Variants in ZFYVE26 observed in about 807,000 individuals in gnomAD.
The protein encoded by ZFYVE26 is zinc finger FYVE-type containing 26, also known as zinc finger FYVE domain-containing protein 26.
Under a neutral mutation model 276.5 loss-of-function variants are expected in ZFYVE26, and 181 were observed. The observed-to-expected ratio is 0.65, with a 90% CI of 0.58 to 0.74. ZFYVE26 has a LOEUF of 0.74. Among genes scored for constraint, ZFYVE26 ranks in the 30% least tolerant of loss-of-function variants. The pLI is 0.00. For synonymous variants in ZFYVE26, 1,129 were observed against 1,203.1 expected, an observed-to-expected ratio of 0.94 and a Z score of 1.27; for missense variants, 2,821 against 3,097.9, an observed-to-expected ratio of 0.91 and a Z score of 2.12.
At chr14:67,740,240 A>T (rs1414534263) in intron 13 of ZFYVE26, among the ~76,000 whole-genome samples, 1 of 152,204 alleles carries the variant, frequency 6.6e-6, no homozygotes, top group Non-Finnish European at 1.5e-5. Flanking sequence ...TTATGTTCCA[A>T]TGACAGCAGT....
Position 67,798,036 on chromosome 14 carries a change from C to T in ZFYVE26, c.2226G>A (p.Val742=), listed in dbSNP as rs2039993509. The change falls in exon 11 of 42, where the codon GTG becomes GTA. Residue 742 remains valine (V), a synonymous_variant. Coordinates refer to ENST00000347230, the MANE Select transcript of ZFYVE26 (RefSeq NM_015346.4). ...CACCTGAACGATGGTTGCTTGTCACCACCTTGTGTCTCCACTGGGCCTCAG... is the reference window on the plus strand; with the variant it reads ...CACCTGAACGATGGTTGCTTGTCACTACCTTGTGTCTCCACTGGGCCTCAG... ...VVSEAQWRHK[V]VTSNHRSEEQ... is the part of the protein sequence containing the mutation. 1.9e-6 allele frequency: 3 copies of T among 1,614,040 alleles called. No individual in the cohort carries two copies. Among genetic ancestry groups the T allele is most frequent in the Non-Finnish European group, 2.5e-6 (3 of 1,180,040 alleles).
In ZFYVE26 at chr14:67,804,167, G is replaced by C. The variant is rs201917832; in HGVS notation, c.1369C>G (p.Leu457Val). The change falls in exon 9 of 42, where the codon CTC (leucine) becomes GTC (valine). Residue 457 changes from leucine (L) to valine (V), a missense_variant. Physicochemically the swap from Leu to Val is conservative, Grantham distance 32 (BLOSUM62 1). Transcript: ENST00000347230. ...AGCTTGAGAACATCTTCCTCCCTGA[G>C]GGCTGGAAGGTTTGTAAGGTGATGG... ...TLHHLTNLPA[L>V]REEDVLKLLQ... The C allele has an allele frequency of 1.2e-4, 194 of 1,614,124 alleles. 2 individuals carry two copies. Among genetic ancestry groups the C allele is most frequent in the Non-Finnish European group, 1.3e-5 (15 of 1,180,054 alleles).
At chr14:67,789,236 C>T (rs1301848424) in intron 16 of ZFYVE26, 99 bp downstream of exon 16, 45 of 1,534,820 alleles carry the variant, frequency 2.9e-5, no homozygotes, top group Non-Finnish European at 8.9e-7. Context: ...CACCATCTGC[C>T]TCCTCCAATA....
intron 14 of ZFYVE26, among the ~76,000 whole-genome samples, chr14:67,793,191 A>G (rs1712695466): frequency 6.6e-6 from 1 of 152,176 alleles, no homozygotes; most frequent in South Asian, 2.1e-4. Flanking sequence ...TGGGAGGTGG[A>G]GGGTGCAGTG....
downstream of ZFYVE26, among the ~76,000 whole-genome samples, chr14:67,742,434 T>C (rs1377050978): frequency 6.6e-6 from 1 of 152,220 alleles, no homozygotes; most frequent in East Asian, 1.9e-4. Context: ...ATAAAAAATC[T>C]TTCAAGTCTT....
At chr14:67,793,485 G>A in intron 14 of ZFYVE26, 123 bp downstream of exon 14, 1 of 1,116,720 alleles carries the variant, frequency 9.0e-7, no homozygotes, top group South Asian at 1.3e-5. Context: ...ACCCCCTCTT[G>A]CTTCTGCTTC....
At chr14:67,794,873 C>T (rs1407969239) in intron 12 of ZFYVE26, among the ~76,000 whole-genome samples, 1 of 152,064 alleles carries the variant, frequency 6.6e-6, no homozygotes, top group African/African-American at 2.4e-5. Context: ...TGTTTGAGCC[C>T]AGGAGTTCAA....
At position 67,816,012 on chromosome 14, in the gene ZFYVE26, A is replaced by G; in HGVS notation, c.-49T>C. ...GATACAAAGAAATGAGTTATGCCGA[A>G]CACATTCTCAATGTTCTCATTCGCG... is the stretch of plus-strand genomic sequence containing the variant. On this transcript the variant is annotated 5_prime_UTR_variant, in exon 2 of 42. Transcript: ENST00000347230. 1.4e-6 allele frequency: 2 copies of G among 1,480,360 alleles called. No individual in the cohort carries two copies. Among genetic ancestry groups the G allele is most frequent in the Non-Finnish European group, 1.8e-6 (2 of 1,089,450 alleles). 91.7% of individuals were successfully genotyped at this position (1,480,360 alleles called of 1,614,324 possible).
At chr14:67,773,143 A>T (rs572491474) in intron 27 of ZFYVE26, among the ~76,000 whole-genome samples, 163 of 152,278 alleles carry the variant, frequency 1.1e-3, no homozygotes, top group South Asian at 2.3e-3. Context: ...TTGTTTCTAG[A>T]TGTGATAATG....
chr14:67,761,039 C>A (rs976970097), intron 35 of ZFYVE26: 11 of 592,248 alleles, frequency 1.9e-5, no homozygotes, highest in African/African-American at 1.3e-4. Flanking sequence ...AAGCAATATG[C>A]CCAAGGCCAC....
intron 32 of ZFYVE26, among the ~76,000 whole-genome samples, chr14:67,764,771 G>C (rs1275038647): frequency 1.3e-5 from 2 of 152,124 alleles, no homozygotes; most frequent in Non-Finnish European, 2.9e-5. Context: ...TGTCAAAGAC[G>C]CGCAAGACAC....
At chr14:67,760,114 T>C (rs1391747639) in intron 35 of ZFYVE26, among the ~76,000 whole-genome samples, 1 of 152,172 alleles carries the variant, frequency 6.6e-6, no homozygotes, top group Non-Finnish European at 1.5e-5. Flanking sequence ...ACCAAGCTAA[T>C]GAAGTAAGCA....
exon 14 of ZFYVE26, chr14:67,729,632 G>T (rs2038241480): frequency 1.6e-6 from 1 of 618,718 alleles, no homozygotes; most frequent in Admixed American, 2.6e-5. Context: ...GCAGCTTTCT[G>T]AAAGCTTTTA....
At chr14:67,778,301 C>T in intron 23 of ZFYVE26, 53 bp from the exon 24 acceptor site, 1 of 1,612,120 alleles carries the variant, frequency 6.2e-7, no homozygotes, top group African/African-American at 1.3e-5. Flanking sequence ...CCTGATTCTT[C>T]TCAGCAGTCT....
chr14:67,781,266 A>C, intron 22 of ZFYVE26, 67 bp downstream of exon 22: 1 of 1,544,708 alleles, frequency 6.5e-7, no homozygotes, highest in Non-Finnish European at 8.9e-7. Context: ...CCCATCATAT[A>C]AGATAGGTTG....
At chr14:67,807,356 G>A (rs2040202181) in intron 5 of ZFYVE26, 42 bp downstream of exon 5, 4 of 1,612,772 alleles carry the variant, frequency 2.5e-6, no homozygotes, top group African/African-American at 2.7e-5. Flanking sequence ...TGGGCATACT[G>A]GAATTACTGA....
intron 13 of ZFYVE26, 99 bp downstream of exon 13, chr14:67,794,072 A>C (rs1388105717): frequency 2.2e-6 from 3 of 1,350,802 alleles, no homozygotes; most frequent in Non-Finnish European, 3.2e-6. Flanking sequence ...CTTGAATAAC[A>C]ACCTTGACTG....
chr14:67,766,099 A>T, intron 32 of ZFYVE26, 128 bp downstream of exon 32: 1 of 930,578 alleles, frequency 1.1e-6, no homozygotes, highest in Non-Finnish European at 1.7e-6. Flanking sequence ...AACATTACAC[A>T]GATGAAAAAT....
intron 27 of ZFYVE26, among the ~76,000 whole-genome samples, chr14:67,772,755 C>T (rs1201637284): frequency 6.6e-6 from 1 of 152,108 alleles, no homozygotes; most frequent in Admixed American, 6.5e-5. Context: ...GGCAACTAGG[C>T]TGTCTCCATA....
Sources: allele counts gnomAD v4.1 joint callset (sites outside exome capture counted in the v4.1 genomes callset), GRCh38; gene constraint gnomAD v4.1.1; transcripts MANE v1.5; gene names NCBI Gene and HGNC (gene_info 2026-07-23, HGNC 2026-07-21).